ANKS1A: variants seen among roughly 807,000 people sequenced by gnomAD.
ANKS1A encodes ankyrin repeat and sterile alpha motif domain containing 1A, also known as ankyrin repeat and SAM domain-containing protein 1A.
In ANKS1A, 55 loss-of-function variants were observed where a neutral mutation model predicts 120.3. The observed-to-expected ratio is 0.46, with a 90% CI of 0.37 to 0.57. The LOEUF (loss-of-function observed/expected upper bound fraction) is 0.57. ANKS1A is among the 20% of genes least tolerant of loss of function. The pLI is 0.00. For synonymous variants in ANKS1A, 590 were observed against 604.7 expected, an observed-to-expected ratio of 0.98 and a Z score of 0.36; for missense variants, 1,123 against 1,480.3, an observed-to-expected ratio of 0.76 and a Z score of 3.96.
intron 10 of ANKS1A, among the ~76,000 whole-genome samples, chr6:35,008,848 AC>A (rs1773597888): frequency 6.6e-6 from 1 of 152,224 alleles, no homozygotes; most frequent in Non-Finnish European, 1.5e-5. Flanking sequence ...TAACGAAATC[AC>A]ACTTGAGCTG....
At chr6:35,093,012 G>A (rs1440005789), downstream of ANKS1A, among the ~76,000 whole-genome samples, 2 of 151,748 alleles carry the variant, frequency 1.3e-5, no homozygotes, top group African/African-American at 4.8e-5. Context: ...GAACCCAGAG[G>A]GTATCCAAGT....
At chr6:35,015,610 A>G (rs928839445) in intron 10 of ANKS1A, among the ~76,000 whole-genome samples, 5 of 152,200 alleles carry the variant, frequency 3.3e-5, no homozygotes, top group Non-Finnish European at 7.3e-5. Flanking sequence ...GCCCCTGGCC[A>G]CTTCTCTAGA....
intron 13 of ANKS1A, among the ~76,000 whole-genome samples, chr6:35,077,243 C>T (rs1432697020): frequency 6.6e-6 from 1 of 152,160 alleles, no homozygotes; most frequent in Non-Finnish European, 1.5e-5. Context: ...ACGACACTCA[C>T]GGGGAGGGTG....
chr6:34,942,833 C>G (rs545087409), intron 1 of ANKS1A, among the ~76,000 whole-genome samples: 63 of 151,072 alleles, frequency 4.2e-4, no homozygotes, highest in Non-Finnish European at 3.4e-4. Context: ...TTTTCCCCCT[C>G]CCCTCCCCAT....
intron 11 of ANKS1A, among the ~76,000 whole-genome samples, chr6:35,020,091 A>G (rs953118566): frequency 1.3e-5 from 2 of 152,144 alleles, no homozygotes; most frequent in African/African-American, 4.8e-5. Context: ...AGAATGAGAA[A>G]TAAGAGTAGA....
chr6:35,013,145 A>G, intron 10 of ANKS1A, among the ~76,000 whole-genome samples: 1 of 152,068 alleles, frequency 6.6e-6, no homozygotes, highest in Non-Finnish European at 1.5e-5. Flanking sequence ...ACAAGGTCTT[A>G]TTTCTCCTTC....
intron 9 of ANKS1A, among the ~76,000 whole-genome samples, chr6:34,992,536 A>G (rs1772632584): frequency 6.6e-6 from 1 of 152,208 alleles, no homozygotes; most frequent in African/African-American, 2.4e-5. Flanking sequence ...TCAGATTTCT[A>G]GGGCTCTGTG....
rs75031294 is a variant in ANKS1A at position 34,928,193 on chromosome 6, C to T, written c.197+38594C>T. Among the ~76,000 whole-genome samples, 1,154 of 152,306 alleles carry T rather than the reference C, an allele frequency of 7.6e-3. 21 individuals carry two copies. Among genetic ancestry groups the T allele is most frequent in the African/African-American group, 0.025 (1,056 of 41,556 alleles). On this transcript the variant is annotated intron_variant, in intron 1 of 23. Transcript: ENST00000360359. ...TCTTGATGGAGATTGGGAATATTGT[C>T]TTCCCATCTCTGTATGCATGAACCA...
chr6:34,893,450 A>G (rs1766920648), intron 1 of ANKS1A, among the ~76,000 whole-genome samples: 1 of 152,144 alleles, frequency 6.6e-6, no homozygotes, highest in Admixed American at 6.5e-5. Context: ...CACATTTTAA[A>G]TGGTGTTTTT....
intron 1 of ANKS1A, among the ~76,000 whole-genome samples, chr6:34,915,167 C>T (rs1264464609): frequency 2.6e-5 from 4 of 152,176 alleles, no homozygotes; most frequent in African/African-American, 7.2e-5. Context: ...ATCTACCTGA[C>T]GAGAATATAA....
At chr6:34,991,733 CATATATATACATATAT>C (rs1561897046) in intron 9 of ANKS1A, among the ~76,000 whole-genome samples, 1,580 of 51,678 alleles carry the variant, frequency 0.031, 49 homozygotes, top group African/African-American at 0.056. Flanking sequence ...CATATATACA[CATATATATACATATAT>C]ACACACATAT....
chr6:34,896,289 C>T (rs559162674), intron 1 of ANKS1A, among the ~76,000 whole-genome samples: 3 of 152,144 alleles, frequency 2.0e-5, no homozygotes, highest in East Asian at 1.9e-4. Flanking sequence ...AGGCTAGTCT[C>T]GAACTCCTGA....
At chr6:35,064,413 A>G (rs1706643558) in intron 13 of ANKS1A, among the ~76,000 whole-genome samples, 2 of 152,194 alleles carry the variant, frequency 1.3e-5, no homozygotes, top group African/African-American at 4.8e-5. Context: ...TACGTGGCAG[A>G]TAGGCCCCCG....
At chr6:34,942,845 C>CTTCTT (rs1243220438) in intron 1 of ANKS1A, among the ~76,000 whole-genome samples, 1 of 151,498 alleles carries the variant, frequency 6.6e-6, no homozygotes, top group Non-Finnish European at 1.5e-5. Context: ...CCTCCCCATC[C>CTTCTT]TTCTTTTCTT....
chr6:35,085,554 G>A lies in ANKS1A; in HGVS notation c.3133-212G>A, dbSNP rs1421237160. ...ACAGCAGTGTGCACCTGCCCTCCCCGCAGCCCAGCTCCCGGCCACATCCTG... is the reference window on the plus strand; with the variant it reads ...ACAGCAGTGTGCACCTGCCCTCCCCACAGCCCAGCTCCCGGCCACATCCTG... On this transcript the variant is annotated intron_variant, in intron 21 of 23. Transcript: ENST00000360359. This position sits in a 1 kb window ranked among gnomAD's most constrained non-coding sequence, Gnocchi z 4.7. Among the ~76,000 whole-genome samples the A allele has an allele frequency of 6.6e-6, 1 of 152,156 alleles. No homozygotes were observed. Among genetic ancestry groups the A allele is most frequent in the Non-Finnish European group, 1.5e-5 (1 of 68,026 alleles).
chr6:35,090,526 A>C lies in ANKS1A; in HGVS notation c.*1917A>C, dbSNP rs1778244519. The C allele has an allele frequency of 9.6e-7, 1 of 1,045,892 alleles. No homozygotes were observed. Among genetic ancestry groups the C allele is most frequent in the Admixed American group, 5.2e-5 (1 of 19,400 alleles). The allele number at this position is 1,045,892 out of a possible 1,614,324, so 64.8% of individuals were successfully genotyped here. A position where few individuals can be genotyped will look rare whatever the true frequency, so the allele number is the denominator to read the frequency against. ...GCTGCTATATCATCTTTATTTATTCAGGGTATTTTCATATTGGAAGCCTTG... is the reference window on the plus strand; with the variant it reads ...GCTGCTATATCATCTTTATTTATTCCGGGTATTTTCATATTGGAAGCCTTG... On this transcript the variant is annotated 3_prime_UTR_variant, in exon 24 of 24. Coordinates refer to ENST00000360359, the MANE Select transcript of ANKS1A (RefSeq NM_015245.3).
chr6:35,031,225 T>C (rs548609169), intron 11 of ANKS1A, among the ~76,000 whole-genome samples: 2 of 152,306 alleles, frequency 1.3e-5, no homozygotes, highest in South Asian at 4.1e-4. Flanking sequence ...GCCTCTTCCC[T>C]GTTGTGCTCT....
At chr6:34,966,919 C>T (rs1032144974) in intron 1 of ANKS1A, among the ~76,000 whole-genome samples, 11 of 152,068 alleles carry the variant, frequency 7.2e-5, no homozygotes, top group African/African-American at 2.7e-4. Context: ...CTGTGACTGG[C>T]GGAGAGGTTT....
intron 7 of ANKS1A, 108 bp from the exon 8 acceptor site, chr6:34,984,974 A>G: frequency 1.1e-6 from 1 of 918,944 alleles, no homozygotes; most frequent in Non-Finnish European, 1.7e-6. Flanking sequence ...GCTCTGGGTT[A>G]GTGTTTGTGA....
Sources: allele counts gnomAD v4.1 joint callset (sites outside exome capture counted in the v4.1 genomes callset), GRCh38; gene constraint gnomAD v4.1.1; non-coding constraint Gnocchi (gnomAD v3.1); transcripts MANE v1.5; gene names NCBI Gene and HGNC (gene_info 2026-07-23, HGNC 2026-07-21).